Variants in WWOX observed in about 807,000 individuals in gnomAD.
WWOX encodes the protein WW domain containing oxidoreductase.
In WWOX, 69 loss-of-function variants were observed where a neutral mutation model predicts 46.2. That is an observed-to-expected ratio of 1.49 (90% CI 1.23 to 1.82). The LOEUF is 1.82. Among genes scored for constraint, WWOX ranks in the 40% most tolerant of loss-of-function variants. The pLI is 0.00. For synonymous variants in WWOX, 359 were observed against 202.6 expected (o/e 1.77, Z -6.56); for missense variants, 919 against 542.6 (o/e 1.69, Z -6.89).
chr16:78,117,757 C>T (rs1391868554), intron 4 of WWOX, among the ~76,000 whole-genome samples: 1 of 152,120 alleles, frequency 6.6e-6, no homozygotes, highest in African/African-American at 2.4e-5. Context: ...TCTTTACTTC[C>T]AAGACTTCTG....
intron 6 of WWOX, among the ~76,000 whole-genome samples, chr16:78,411,042 A>G (rs2082668485): frequency 6.6e-6 from 1 of 152,172 alleles, no homozygotes; most frequent in Non-Finnish European, 1.5e-5. Context: ...TGAGTAAGCA[A>G]GAGAGCAAGA....
At chr16:78,685,622 A>G (rs1044363161) in intron 8 of WWOX, among the ~76,000 whole-genome samples, 2 of 152,262 alleles carry the variant, frequency 1.3e-5, no homozygotes, top group Non-Finnish European at 2.9e-5. Flanking sequence ...TCACATGGCC[A>G]TATATGTTTT....
intron 8 of WWOX, among the ~76,000 whole-genome samples, chr16:78,637,824 A>G (rs997620941): frequency 6.6e-6 from 1 of 152,126 alleles, no homozygotes; most frequent in Non-Finnish European, 1.5e-5. Flanking sequence ...GCCAGGGCCT[A>G]TTGTGTTGTG....
chr16:79,112,742 A>G (rs528262643), intron 8 of WWOX, among the ~76,000 whole-genome samples: 37 of 152,320 alleles, frequency 2.4e-4, no homozygotes, highest in African/African-American at 7.7e-4. Flanking sequence ...GAGTCGTAGA[A>G]TTTTAGAGCT....
At chr16:79,060,510 C>A (rs2048339482) in intron 8 of WWOX, among the ~76,000 whole-genome samples, 1 of 152,230 alleles carries the variant, frequency 6.6e-6, no homozygotes, top group Admixed American at 6.5e-5. Context: ...TTAGTAGCAT[C>A]TTATTATATT....
chr16:78,765,578 C>G (rs1421305266), intron 8 of WWOX, among the ~76,000 whole-genome samples: 1 of 152,018 alleles, frequency 6.6e-6, no homozygotes, highest in South Asian at 2.1e-4. Context: ...ACTCGGGAGG[C>G]TGAGGTGGGA....
chr16:78,774,934 A>T (rs2142533416), intron 8 of WWOX, among the ~76,000 whole-genome samples: 1 of 152,260 alleles, frequency 6.6e-6, no homozygotes, highest in South Asian at 2.1e-4. Context: ...CATGGACAGC[A>T]TGGGGTCCCC....
intron 8 of WWOX, among the ~76,000 whole-genome samples, chr16:78,638,653 G>C (rs2046633006): frequency 6.6e-6 from 1 of 152,226 alleles, no homozygotes; most frequent in South Asian, 2.1e-4. Flanking sequence ...GCAGGCTGGA[G>C]GGAAGGGCGG....
chr16:78,645,804 G>T (rs992737114), intron 8 of WWOX, among the ~76,000 whole-genome samples: 1 of 152,092 alleles, frequency 6.6e-6, no homozygotes, highest in Non-Finnish European at 1.5e-5. Context: ...CTATAGCAGG[G>T]TCTCCTTGGG....
At chr16:78,664,837 A>G in intron 8 of WWOX, among the ~76,000 whole-genome samples, 1 of 152,232 alleles carries the variant, frequency 6.6e-6, no homozygotes, top group South Asian at 2.1e-4. Context: ...AGGCAACAAG[A>G]GTCCAATTCT....
At chr16:78,548,818 T>A (rs2044109509) in intron 8 of WWOX, among the ~76,000 whole-genome samples, 1 of 152,212 alleles carries the variant, frequency 6.6e-6, no homozygotes, top group Non-Finnish European at 1.5e-5. Context: ...AATATTTGCC[T>A]TTTGGCTGCA....
At chr16:78,851,673 C>T (rs1198982444) in intron 8 of WWOX, among the ~76,000 whole-genome samples, 1 of 152,166 alleles carries the variant, frequency 6.6e-6, no homozygotes, top group Non-Finnish European at 1.5e-5. Flanking sequence ...TGAGGCAATA[C>T]GTTTCAAAAT....
At chr16:78,122,183 G>T (rs180710553) in intron 4 of WWOX, among the ~76,000 whole-genome samples, 1 of 152,182 alleles carries the variant, frequency 6.6e-6, no homozygotes, top group East Asian at 1.9e-4. Context: ...GAATACATAG[G>T]GTTTGGTACT....
intron 8 of WWOX, among the ~76,000 whole-genome samples, chr16:78,680,179 G>A (rs886567095): frequency 2.6e-5 from 4 of 152,204 alleles, no homozygotes; most frequent in African/African-American, 9.6e-5. Flanking sequence ...GGAGGCTGAG[G>A]CTGGTGGATA....
chr16:78,299,845 G>A (rs991120045), intron 5 of WWOX, among the ~76,000 whole-genome samples: 3 of 152,160 alleles, frequency 2.0e-5, no homozygotes, highest in African/African-American at 7.2e-5. Flanking sequence ...CCTATTTCTT[G>A]TCAAGCAGGA....
chr16:78,110,199 G>C (rs1323475894), intron 3 of WWOX, among the ~76,000 whole-genome samples: 3 of 151,910 alleles, frequency 2.0e-5, no homozygotes, highest in Admixed American at 2.0e-4. Flanking sequence ...AATGAGCTGG[G>C]TGTGGTGGCA....
At chr16:78,371,897 T>C (rs1324599981) in intron 5 of WWOX, among the ~76,000 whole-genome samples, 1 of 152,192 alleles carries the variant, frequency 6.6e-6, no homozygotes, top group Non-Finnish European at 1.5e-5. Flanking sequence ...TTTTCTGATG[T>C]TTTAATAGCT....
intron 8 of WWOX, among the ~76,000 whole-genome samples, chr16:78,459,225 A>G (rs1293680829): frequency 6.6e-6 from 1 of 152,234 alleles, no homozygotes; most frequent in Non-Finnish European, 1.5e-5. Flanking sequence ...AAACCCAGAA[A>G]GGTTGAAAGA....
At chr16:78,993,572 G>A (rs144490851) in intron 8 of WWOX, among the ~76,000 whole-genome samples, 1 of 152,182 alleles carries the variant, frequency 6.6e-6, no homozygotes, top group Non-Finnish European at 1.5e-5. Context: ...TGGGTGTACG[G>A]AGCCCGGAAC....
Sources: allele counts gnomAD v4.1 joint callset (sites outside exome capture counted in the v4.1 genomes callset), GRCh38; gene constraint gnomAD v4.1.1; transcripts MANE v1.5; gene names NCBI Gene and HGNC (gene_info 2026-07-23, HGNC 2026-07-21).